The following SOX6 variants were observed in gnomAD, a reference collection of about 807,000 sequenced individuals.
SOX6 encodes the protein transcription factor SOX-6.
In SOX6, 11 loss-of-function variants were observed where a neutral mutation model predicts 97.8. The ratio of observed to expected loss-of-function variants is 0.11; its 90% confidence interval spans 0.07 to 0.19. SOX6 has a LOEUF of 0.19. Among genes scored for constraint, SOX6 ranks in the 10% least tolerant of loss-of-function variants. The probability of loss-of-function intolerance (pLI) is 1.00; values close to 1 mark genes in which losing one functional copy is unlikely to be tolerated. For synonymous variants in SOX6, 360 were observed against 371.4 expected, an observed-to-expected ratio of 0.97 and a Z score of 0.35; for missense variants, 810 against 1,039.5, an observed-to-expected ratio of 0.78 and a Z score of 3.04.
chr11:16,016,168 C>G (rs555390792), intron 12 of SOX6, among the ~76,000 whole-genome samples: 2 of 152,052 alleles, frequency 1.3e-5, no homozygotes, highest in Non-Finnish European at 2.9e-5. Flanking sequence ...CATACAATTA[C>G]TTGATAGAGT....
At chr11:16,333,011 G>A (rs143255105) in intron 2 of SOX6, among the ~76,000 whole-genome samples, 1 of 152,156 alleles carries the variant, frequency 6.6e-6, no homozygotes, top group Non-Finnish European at 1.5e-5. Context: ...ACAGAGTAGG[G>A]TCTTTCCTGC....
At chr11:16,069,166 C>T (rs1848162332) in intron 9 of SOX6, among the ~76,000 whole-genome samples, 1 of 152,056 alleles carries the variant, frequency 6.6e-6, no homozygotes, top group Non-Finnish European at 1.5e-5. Context: ...CTTGCAAACA[C>T]CAGAAAACAA....
chr11:16,732,511 C>T (rs1438712295), intron 2 of SOX6, among the ~76,000 whole-genome samples: 6 of 152,078 alleles, frequency 3.9e-5, no homozygotes, highest in Admixed American at 1.3e-4. Flanking sequence ...TACTAAATGG[C>T]TTTGGGAAAA....
intron 7 of SOX6, among the ~76,000 whole-genome samples, chr11:16,107,090 C>T (rs1258241221): frequency 6.6e-6 from 1 of 151,820 alleles, no homozygotes; most frequent in Non-Finnish European, 1.5e-5. Flanking sequence ...TTGAAAATAA[C>T]AAGTGTTAGC....
intron 3 of SOX6, among the ~76,000 whole-genome samples, chr11:16,637,315 G>A (rs769452754): frequency 6.6e-6 from 1 of 152,094 alleles, no homozygotes; most frequent in Non-Finnish European, 1.5e-5. Context: ...CCACCTGCTG[G>A]GTTCCAACGA....
chr11:16,583,634 T>TACAC (rs1382548318), intron 4 of SOX6, among the ~76,000 whole-genome samples: 1 of 85,884 alleles, frequency 1.2e-5, no homozygotes, highest in East Asian at 5.6e-4. Context: ...TATATATATA[T>TACAC]ATACACATAC....
chr11:16,585,480 A>C (rs1848080979), intron 4 of SOX6, among the ~76,000 whole-genome samples: 1 of 152,148 alleles, frequency 6.6e-6, no homozygotes, highest in South Asian at 2.1e-4. Context: ...AAAGTGGTGG[A>C]GTATGCTTTT....
chr11:16,502,244 T>A (rs1169707089), intron 4 of SOX6, among the ~76,000 whole-genome samples: 1 of 152,016 alleles, frequency 6.6e-6, no homozygotes, highest in East Asian at 1.9e-4. Context: ...TTCTCACTCA[T>A]AGGTGGGAAT....
intron 3 of SOX6, among the ~76,000 whole-genome samples, chr11:16,298,087 AC>A (rs1307711302): frequency 6.6e-6 from 1 of 152,034 alleles, no homozygotes; most frequent in Non-Finnish European, 1.5e-5. Context: ...CTGGATGCAA[AC>A]CCTTTGCGTC....
chr11:16,077,184 A>G (rs977902444), intron 9 of SOX6, among the ~76,000 whole-genome samples: 29 of 152,316 alleles, frequency 1.9e-4, no homozygotes, highest in African/African-American at 7.0e-4. Flanking sequence ...GGGGATTACA[A>G]TTCAACATGA....
At chr11:16,585,314 A>G (rs775789967) in intron 4 of SOX6, among the ~76,000 whole-genome samples, 2 of 152,224 alleles carry the variant, frequency 1.3e-5, no homozygotes, top group South Asian at 2.1e-4. Flanking sequence ...TAATGCTTAT[A>G]TGACACCTAT....
At chr11:16,089,443 T>C (rs1042355266) in intron 9 of SOX6, among the ~76,000 whole-genome samples, 3 of 152,158 alleles carry the variant, frequency 2.0e-5, no homozygotes, top group Non-Finnish European at 2.9e-5. Flanking sequence ...TATTTAGTGC[T>C]TGTTTATTTA....
intron 4 of SOX6, among the ~76,000 whole-genome samples, chr11:16,536,840 T>C (rs1861316175): frequency 6.6e-6 from 1 of 152,216 alleles, no homozygotes; most frequent in Non-Finnish European, 1.5e-5. Flanking sequence ...CAGCAAGGCC[T>C]ACTGTCTCTA....
chr11:16,575,022 AGAGT>A (rs1348002168), intron 4 of SOX6, among the ~76,000 whole-genome samples: 1 of 151,746 alleles, frequency 6.6e-6, no homozygotes, highest in Non-Finnish European at 1.5e-5. Flanking sequence ...CCTGGGTGAC[AGAGT>A]GAGACTCTGT....
chr11:16,122,812 T>C (rs182035949), intron 6 of SOX6, among the ~76,000 whole-genome samples: 4 of 152,234 alleles, frequency 2.6e-5, no homozygotes, highest in African/African-American at 9.6e-5. Context: ...CAAGAACTTG[T>C]ATTCTATGTT....
chr11:16,065,175 G>C (rs1375166962), intron 9 of SOX6, among the ~76,000 whole-genome samples: 1 of 151,964 alleles, frequency 6.6e-6, no homozygotes, highest in Non-Finnish European at 1.5e-5. Flanking sequence ...AAAGTTGCAG[G>C]ATATAAAATC....
intron 6 of SOX6, among the ~76,000 whole-genome samples, chr11:16,148,319 T>C (rs1417021174): frequency 6.6e-6 from 1 of 152,162 alleles, no homozygotes; most frequent in Non-Finnish European, 1.5e-5. Context: ...TAAGCTGTTG[T>C]CTTCACAATT....
intron 4 of SOX6, among the ~76,000 whole-genome samples, chr11:16,604,487 G>A (rs1848309336): frequency 6.6e-6 from 1 of 152,218 alleles, no homozygotes; most frequent in Admixed American, 6.5e-5. Flanking sequence ...TGGCTGGGCC[G>A]TGCAGCCAGG....
Position 16,066,265 on chromosome 11 carries a change from C to T in SOX6, c.1102-10364G>A, listed in dbSNP as rs112268587. 8.4e-3 allele frequency among the ~76,000 whole-genome samples: 1,272 copies of T among 152,034 alleles called. 19 individuals are homozygous for T. The highest frequency in any genetic ancestry group is 0.028 in the African/African-American group (1,157 of 41,490). On this transcript the variant is annotated intron_variant, in intron 9 of 15. Transcript: ENST00000683767. ...TATCCAAAAGACGGTCAATAACAAA[C>T]GCTGGCAAAAACATGGGAATCCCTG...
Sources: allele counts gnomAD v4.1 joint callset (sites outside exome capture counted in the v4.1 genomes callset), GRCh38; gene constraint gnomAD v4.1.1; transcripts MANE v1.5; gene names NCBI Gene and HGNC (gene_info 2026-07-23, HGNC 2026-07-21).